Variants in LRMDA observed in about 807,000 individuals in gnomAD.
LRMDA encodes the protein leucine-rich melanocyte differentiation-associated protein.
Under a neutral mutation model 29.8 loss-of-function variants are expected in LRMDA, and 18 were observed. The ratio of observed to expected loss-of-function variants is 0.60; its 90% CI spans 0.42 to 0.90. The LOEUF is 0.90. LRMDA is among the 40% of genes least tolerant of loss of function. The pLI is 0.00. For missense variants in LRMDA, 273 were observed against 273.9 expected (o/e 1.00, Z 0.02); for synonymous variants, 125 against 109.4 (o/e 1.14, Z -0.89).
intron 2 of LRMDA, among the ~76,000 whole-genome samples, chr10:75,560,182 ATTTG>A (rs1291794184): frequency 2.0e-5 from 3 of 151,894 alleles, no homozygotes; most frequent in South Asian, 2.1e-4. Flanking sequence ...ATGTTCTTCC[ATTTG>A]TTTGTATCCT....
intron 2 of LRMDA, among the ~76,000 whole-genome samples, chr10:75,602,808 G>A (rs1006108010): frequency 6.6e-6 from 1 of 152,152 alleles, no homozygotes; most frequent in Non-Finnish European, 1.5e-5. Context: ...AAAAAGTTCA[G>A]ATTCAGGATA....
chr10:75,950,914 G>A (rs1354815038), intron 2 of LRMDA, among the ~76,000 whole-genome samples: 2 of 152,290 alleles, frequency 1.3e-5, no homozygotes, highest in Admixed American at 1.3e-4. Flanking sequence ...AGAACCTACT[G>A]CGCACACATC....
chr10:75,516,548 G>T (rs912610184), intron 2 of LRMDA, among the ~76,000 whole-genome samples: 4 of 151,992 alleles, frequency 2.6e-5, no homozygotes, highest in African/African-American at 9.7e-5. Flanking sequence ...TTTTGATGGG[G>T]TTGTTTTTTT....
intron 6 of LRMDA, among the ~76,000 whole-genome samples, chr10:76,415,388 T>A (rs1355113369): frequency 6.6e-6 from 1 of 152,214 alleles, no homozygotes; most frequent in Non-Finnish European, 1.5e-5. Flanking sequence ...CTGTCATTTT[T>A]TTTTGAGAAG....
At chr10:76,485,379 C>G (rs949592389) in intron 6 of LRMDA, among the ~76,000 whole-genome samples, 4 of 151,840 alleles carry the variant, frequency 2.6e-5, no homozygotes, top group Non-Finnish European at 5.9e-5. Context: ...TCAAATAGCA[C>G]TATACCACAT....
At chr10:75,519,619 C>G (rs1845332367) in intron 2 of LRMDA, among the ~76,000 whole-genome samples, 1 of 152,144 alleles carries the variant, frequency 6.6e-6, no homozygotes, top group Non-Finnish European at 1.5e-5. Flanking sequence ...ATTGATGGGT[C>G]TTGACTGTTT....
At chr10:76,184,724 A>G (rs74150532) in intron 5 of LRMDA, among the ~76,000 whole-genome samples, 3,041 of 152,306 alleles carry the variant, frequency 0.02, 110 homozygotes, top group African/African-American at 0.068. Context: ...GCATTTTTCC[A>G]GATTCAAAGC....
chr10:76,043,552 TA>T (rs5786210), intron 3 of LRMDA, among the ~76,000 whole-genome samples: 55,017 of 146,490 alleles, frequency 0.38, 11,194 homozygotes, highest in Non-Finnish European at 0.46. Context: ...TTTTTCAAAT[TA>T]AAAAAAAAAA....
intron 5 of LRMDA, among the ~76,000 whole-genome samples, chr10:76,063,812 C>T (rs897407311): frequency 3.3e-5 from 5 of 152,134 alleles, no homozygotes; most frequent in African/African-American, 1.2e-4. Flanking sequence ...CCTTTAGTTT[C>T]TTCCATCTGT....
At chr10:76,111,186 T>C (rs557170416) in intron 5 of LRMDA, among the ~76,000 whole-genome samples, 254 of 152,370 alleles carry the variant, frequency 1.7e-3, no homozygotes, top group African/African-American at 5.9e-3. Context: ...TTATGGATCC[T>C]CAAAGCAGCC....
intron 5 of LRMDA, among the ~76,000 whole-genome samples, chr10:76,320,767 T>A (rs1485018592): frequency 6.6e-6 from 1 of 152,228 alleles, no homozygotes; most frequent in South Asian, 2.1e-4. Context: ...GAACATCATA[T>A]ATACAGCTGA....
intron 6 of LRMDA, among the ~76,000 whole-genome samples, chr10:76,452,623 A>G (rs1564545671): frequency 6.6e-6 from 1 of 152,244 alleles, no homozygotes; most frequent in Admixed American, 6.5e-5. Context: ...TGGGCTAGCA[A>G]GAAAATGGAA....
intron 5 of LRMDA, among the ~76,000 whole-genome samples, chr10:76,221,021 C>G (rs2132257752): frequency 6.6e-6 from 1 of 152,182 alleles, no homozygotes; most frequent in Admixed American, 6.5e-5. Flanking sequence ...AGACAAAAAC[C>G]ACATGATTAT....
chr10:75,852,513 A>T (rs1020528867), intron 2 of LRMDA, among the ~76,000 whole-genome samples: 34 of 147,628 alleles, frequency 2.3e-4, no homozygotes, highest in Admixed American at 2.2e-3. Context: ...ACTGCTGATT[A>T]AAAAAAAGCA....
intron 2 of LRMDA, among the ~76,000 whole-genome samples, chr10:75,701,403 C>T (rs1842306640): frequency 6.6e-6 from 1 of 152,136 alleles, no homozygotes; most frequent in South Asian, 2.1e-4. Context: ...TTCAACAACC[C>T]TCCAGCCTGA....
chr10:75,829,208 C>G (rs1844296990), intron 2 of LRMDA, among the ~76,000 whole-genome samples: 2 of 152,144 alleles, frequency 1.3e-5, no homozygotes, highest in South Asian at 4.1e-4. Flanking sequence ...ATGAGGCCAT[C>G]CTCTTCAGCT....
chr10:76,209,183 A>C (rs532005649), intron 5 of LRMDA, among the ~76,000 whole-genome samples: 11 of 152,074 alleles, frequency 7.2e-5, no homozygotes, highest in African/African-American at 2.7e-4. Context: ...ATAAAAAAAA[A>C]CTTGCCTTTC....
chr10:75,966,803 T>G (rs1846868497), intron 2 of LRMDA, among the ~76,000 whole-genome samples: 1 of 152,232 alleles, frequency 6.6e-6, no homozygotes, highest in South Asian at 2.1e-4. Flanking sequence ...TTACCCTGCC[T>G]TTCAGGCTAT....
At chr10:75,679,518 C>T (rs1383828717) in intron 2 of LRMDA, among the ~76,000 whole-genome samples, 2 of 152,154 alleles carry the variant, frequency 1.3e-5, no homozygotes, top group African/African-American at 2.4e-5. Context: ...CTCTGGATCT[C>T]CTTCTCCATC....
Sources: gnomAD v4.1 joint callset for allele counts (sites outside exome capture counted in the v4.1 genomes callset) on GRCh38, gnomAD v4.1.1 for gene constraint, MANE v1.5 for transcripts, NCBI Gene and HGNC (gene_info 2026-07-23, HGNC 2026-07-21) for gene names.